MTMR8: variants seen among roughly 807,000 people sequenced by gnomAD.
MTMR8 encodes phosphatidylinositol-3,5-bisphosphate 3-phosphatase MTMR8.
MTMR8 carries 65 observed loss-of-function variants against 39.3 expected under a neutral mutation model. The observed-to-expected ratio is 1.65, with a 90% confidence interval of 1.35 to 2.03. The LOEUF is 2.03. Among genes scored for constraint, MTMR8 ranks in the 30% most tolerant of loss-of-function variants. MTMR8 has a pLI of 0.00. For missense variants in MTMR8, 777 were observed against 538.9 expected, an observed-to-expected ratio of 1.44 and a Z score of -4.37; for synonymous variants, 245 against 185.2, an observed-to-expected ratio of 1.32 and a Z score of -2.62.
At chrX:64,362,392 T>C (rs750582435) in intron 1 of MTMR8, among the ~76,000 whole-genome samples, 3 of 98,223 alleles carry the variant, frequency 3.1e-5, no homozygotes, top group Admixed American at 1.2e-4. Flanking sequence ...TTTGCTCTAC[T>C]AGGTATTAAA....
intron 12 of MTMR8, among the ~76,000 whole-genome samples, chrX:64,326,610 T>C (rs1922799932): frequency 9.0e-6 from 1 of 110,995 alleles, no homozygotes; most frequent in African/African-American, 3.3e-5. Flanking sequence ...TTAAAGTGTC[T>C]ACACTACCCA....
intron 1 of MTMR8, among the ~76,000 whole-genome samples, chrX:64,377,550 G>T (rs143692674): frequency 1.2e-4 from 13 of 112,289 alleles, no homozygotes; most frequent in Middle Eastern, 4.6e-3. Context: ...CTTTGTTTTG[G>T]CCAATATATC....
At chrX:64,341,479 CAAAAAAAAAA>C (rs758580930) in intron 8 of MTMR8, among the ~76,000 whole-genome samples, 2 of 25,547 alleles carry the variant, frequency 7.8e-5, no homozygotes, top group African/African-American at 2.8e-4. Flanking sequence ...AACTCTGTCT[CAAAAAAAAAA>C]AAAAAAAAAA....
intron 12 of MTMR8, among the ~76,000 whole-genome samples, chrX:64,279,733 ATAT>A (rs1434444361): frequency 5.4e-5 from 6 of 112,073 alleles, no homozygotes; most frequent in African/African-American, 1.9e-4. Context: ...ACTTCAAAAG[ATAT>A]TATTAAGCTA....
chrX:64,348,783 G>A lies in MTMR8; in HGVS notation c.609C>T (p.Cys203=). ...YLYKENNAAI[C]RCSQPLSGFY... ...ATCCAGAGAGAGGCTGGCTACAGCGGCAAATGGCAGCCTGTAAGGAAAAGG... is the reference window on the plus strand; with the variant it reads ...ATCCAGAGAGAGGCTGGCTACAGCGACAAATGGCAGCCTGTAAGGAAAAGG... Residue 203 remains cysteine (C), a synonymous_variant, in exon 6 of 14, where the codon TGC becomes TGT. Coordinates refer to ENST00000374852, the MANE Select transcript of MTMR8 (RefSeq NM_017677.4). 4.1e-6 allele frequency: 5 copies of A among 1,210,018 alleles called. No individual in the cohort carries two copies. The highest frequency in any genetic ancestry group is 5.6e-6 in the Non-Finnish European group (5 of 894,437).
At chrX:64,298,723 G>C (rs1393541932) in intron 12 of MTMR8, among the ~76,000 whole-genome samples, 1 of 79,392 alleles carries the variant, frequency 1.3e-5, no homozygotes, top group East Asian at 3.3e-4. Flanking sequence ...GTTTGTCATA[G>C]ATAGCTCTTA....
At chrX:64,313,910 A>G (rs964931773) in intron 12 of MTMR8, among the ~76,000 whole-genome samples, 7 of 112,298 alleles carry the variant, frequency 6.2e-5, no homozygotes, top group Non-Finnish European at 1.3e-4. Flanking sequence ...TTATCAGCTG[A>G]TGTTTCTTCA....
In MTMR8 at chrX:64,281,289, C is replaced by G. The variant is rs776974471; in HGVS notation, c.1482-10216G>C. Among the ~76,000 whole-genome samples, 200 of 111,844 alleles carry G rather than the reference C, an allele frequency of 1.8e-3. 1 individual carries two copies. The highest frequency in any genetic ancestry group is 6.1e-3 in the African/African-American group (189 of 30,785). ...CAGCTAGAGGTATCACACTACTTGACTTCACACTATACTACAAGGCTATAT... is the reference window on the plus strand; with the variant it reads ...CAGCTAGAGGTATCACACTACTTGAGTTCACACTATACTACAAGGCTATAT... On this transcript the variant is annotated intron_variant, in intron 12 of 13. Coordinates refer to ENST00000374852, the MANE Select transcript of MTMR8 (RefSeq NM_017677.4).
At chrX:64,282,676 A>C (rs1322788166) in intron 12 of MTMR8, among the ~76,000 whole-genome samples, 1 of 111,638 alleles carries the variant, frequency 9.0e-6, no homozygotes, top group African/African-American at 3.3e-5. Flanking sequence ...CAGCAATCTT[A>C]TATCACAGAT....
rs780794615 is a variant in MTMR8 at position 64,328,886 on chromosome X, G to A, written c.1367C>T (p.Thr456Ile). ...AACCAAGAAAGGCCACACAGAATGT[G>A]TTTTCTCATAGACTCTGTTAGAAAA... ...DREDLRVYEKTHSVWPFLVQR... is the reference protein window; with the variant it reads ...DREDLRVYEKIHSVWPFLVQR... The change falls in exon 12 of 14, where the codon ACA becomes ATA. Residue 456 changes from threonine (T) to isoleucine (I), a missense_variant. Thr to Ile is a moderately conservative substitution (Grantham distance 89). Coordinates refer to ENST00000374852, the MANE Select transcript of MTMR8 (RefSeq NM_017677.4). 3.0e-5 allele frequency: 36 copies of A among 1,190,093 alleles called. No homozygotes were observed. The highest frequency in any genetic ancestry group is 3.8e-5 in the Non-Finnish European group (34 of 889,456).
intron 1 of MTMR8, among the ~76,000 whole-genome samples, chrX:64,394,621 G>A (rs761863224): frequency 8.9e-6 from 1 of 112,159 alleles, no homozygotes; most frequent in East Asian, 2.8e-4. Context: ...CTGGCGTTGG[G>A]AAGGGAGGGA....
At chrX:64,301,985 C>T (rs983554792) in intron 12 of MTMR8, among the ~76,000 whole-genome samples, 1 of 112,237 alleles carries the variant, frequency 8.9e-6, no homozygotes, top group African/African-American at 3.2e-5. Context: ...CAGACAGGGA[C>T]ATTTAAGTCT....
At chrX:64,297,484 C>T (rs1188249692) in intron 12 of MTMR8, among the ~76,000 whole-genome samples, 1 of 85,741 alleles carries the variant, frequency 1.2e-5, no homozygotes. Flanking sequence ...GATATTAGCC[C>T]TTTGTCAGAT....
At chrX:64,336,854 T>G (rs975486441) in intron 9 of MTMR8, among the ~76,000 whole-genome samples, 1 of 111,671 alleles carries the variant, frequency 9.0e-6, no homozygotes, top group African/African-American at 3.3e-5. Context: ...AATAAACCAC[T>G]ATGGTGAGTT....
intron 12 of MTMR8, chrX:64,305,516 T>C (rs759456271): frequency 1.9e-5 from 7 of 364,190 alleles, no homozygotes; most frequent in Admixed American, 1.5e-4. Context: ...CCCACAAGTA[T>C]GAAAGAGCAT....
intron 1 of MTMR8, among the ~76,000 whole-genome samples, chrX:64,367,151 C>G (rs974517283): frequency 9.0e-6 from 1 of 111,015 alleles, no homozygotes; most frequent in Non-Finnish European, 1.9e-5. Context: ...CAGGACCAGA[C>G]AGATTCATAG....
chrX:64,285,753 A>G (rs749402646), intron 12 of MTMR8, among the ~76,000 whole-genome samples: 1 of 111,833 alleles, frequency 8.9e-6, no homozygotes, highest in African/African-American at 3.3e-5. Flanking sequence ...TGAAGGCAGA[A>G]ATGAAGATGT....
At chrX:64,360,972 C>T (rs1923764211) in intron 1 of MTMR8, among the ~76,000 whole-genome samples, 1 of 110,787 alleles carries the variant, frequency 9.0e-6, no homozygotes, top group African/African-American at 3.3e-5. Flanking sequence ...CACACATAGC[C>T]TGAACAGAAA....
chrX:64,284,747 T>A (rs1289324141), intron 12 of MTMR8, among the ~76,000 whole-genome samples: 3 of 110,971 alleles, frequency 2.7e-5, no homozygotes, highest in Non-Finnish European at 5.7e-5. Context: ...GAAGGAGAAA[T>A]AAAATCCTTT....
Sources: gnomAD v4.1 joint callset for allele counts (sites outside exome capture counted in the v4.1 genomes callset) on GRCh38, gnomAD v4.1.1 for gene constraint, MANE v1.5 for transcripts, NCBI Gene and HGNC (gene_info 2026-07-23, HGNC 2026-07-21) for gene names.